Variants in UBXN4 observed in about 807,000 individuals in gnomAD.
The protein encoded by UBXN4 is UBX domain-containing protein 4.
UBXN4 carries 35 observed loss-of-function variants against 66.2 expected under a neutral mutation model. The observed-to-expected ratio is 0.53, with a 90% CI of 0.40 to 0.70. UBXN4 has a LOEUF of 0.70. Ranked by LOEUF, UBXN4 falls within the 30% of genes least tolerant of loss-of-function variation. UBXN4 has a pLI of 0.00. For synonymous variants in UBXN4, 203 were observed against 204.5 expected (o/e 0.99, Z 0.06); for missense variants, 533 against 599.8 (o/e 0.89, Z 1.16).
intron 2 of UBXN4, 84 bp downstream of exon 2, chr2:135,748,453 A>G (rs2077222916): frequency 7.5e-6 from 8 of 1,066,034 alleles, no homozygotes; most frequent in East Asian, 3.1e-5. Flanking sequence ...GGACTAGAAG[A>G]ATGTTGATGT....
intron 6 of UBXN4, among the ~76,000 whole-genome samples, chr2:135,768,763 G>T (rs1178730701): frequency 6.6e-6 from 1 of 150,672 alleles, no homozygotes; most frequent in Non-Finnish European, 1.5e-5. Context: ...GCGTTTCGCC[G>T]TGTTGGCCAG....
chr2:135,755,137 G>A (rs2077271876), intron 4 of UBXN4, among the ~76,000 whole-genome samples: 1 of 152,202 alleles, frequency 6.6e-6, no homozygotes, highest in Non-Finnish European at 1.5e-5. Context: ...TTTGTTGAAA[G>A]AGAAAGTTGC....
chr2:135,771,627 A>G (rs895145584), intron 8 of UBXN4, among the ~76,000 whole-genome samples: 3 of 152,132 alleles, frequency 2.0e-5, no homozygotes, highest in Non-Finnish European at 4.4e-5. Flanking sequence ...CAGTGGCGCA[A>G]TCTTGGCTCA....
At chr2:135,765,904 G>C (rs1000392589) in intron 6 of UBXN4, among the ~76,000 whole-genome samples, 3 of 151,990 alleles carry the variant, frequency 2.0e-5, no homozygotes. Context: ...TGTAATCCCA[G>C]CACTTTGGGA....
chr2:135,764,063 G>T (rs1314049709), intron 6 of UBXN4, among the ~76,000 whole-genome samples: 3 of 152,102 alleles, frequency 2.0e-5, no homozygotes, highest in African/African-American at 7.2e-5. Context: ...TGCAGAGGTT[G>T]CAGTGAGCCA....
Position 135,783,737 on chromosome 2 carries a change from G to A in UBXN4, c.*850G>A, listed in dbSNP as rs1221694205. 1.3e-5 allele frequency: 2 copies of A among 152,084 alleles called. No homozygotes were observed. Among genetic ancestry groups the A allele is most frequent in the Admixed American group, 6.6e-5 (1 of 15,256 alleles). The allele number at this position is 152,084 out of a possible 1,614,324, so 9.4% of individuals were successfully genotyped here. ...CCCTCTCACCTTTAACTGACGTTTT[G>A]TCCTCAATAATTACACAAGGACCTA... On this transcript the variant is annotated 3_prime_UTR_variant, in exon 13 of 13. Coordinates refer to ENST00000272638, the MANE Select transcript of UBXN4 (RefSeq NM_014607.4).
chr2:135,783,810 A>G lies in UBXN4; in HGVS notation c.*923A>G, dbSNP rs2077465149. On this transcript the variant is annotated 3_prime_UTR_variant, in exon 13 of 13. Transcript: ENST00000272638. ...ATAGAATAAAAATATGCCTTTAGTC[A>G]TTTGGTTTTTCTTAAAAAGTTGAGA... is the stretch of plus-strand genomic sequence containing the variant. The G allele has an allele frequency of 6.6e-6, 1 of 152,206 alleles. No homozygotes were observed. The highest frequency in any genetic ancestry group is 6.5e-5 in the Admixed American group (1 of 15,278). 9.4% of individuals were successfully genotyped at this position (152,206 alleles called of 1,614,324 possible).
chr2:135,751,112 C>A (rs112351348), intron 2 of UBXN4, among the ~76,000 whole-genome samples: 34 of 151,394 alleles, frequency 2.2e-4, no homozygotes, highest in African/African-American at 7.8e-4. Flanking sequence ...CTCAGCCTCC[C>A]AAAGTGCTGG....
At chr2:135,781,272 G>A (rs1024820265) in intron 12 of UBXN4, among the ~76,000 whole-genome samples, 1 of 152,142 alleles carries the variant, frequency 6.6e-6, no homozygotes, top group African/African-American at 2.4e-5. Context: ...GCAATGGTTA[G>A]CATAGTAATA....
At chr2:135,776,145 A>T in intron 9 of UBXN4, 104 bp from the exon 10 acceptor site, 1 of 888,608 alleles carries the variant, frequency 1.1e-6, no homozygotes, top group Non-Finnish European at 1.7e-6. Flanking sequence ...GGTAGAAAAA[A>T]CTATTGTCAT....
intron 1 of UBXN4, chr2:135,742,789 T>G (rs766480446): frequency 1.3e-5 from 2 of 152,140 alleles, no homozygotes; most frequent in Non-Finnish European, 2.9e-5. Context: ...TGGTAGGGGA[T>G]CTAGTGTGAA....
intron 5 of UBXN4, among the ~76,000 whole-genome samples, chr2:135,760,262 C>G (rs1210636861): frequency 6.6e-6 from 1 of 151,960 alleles, no homozygotes; most frequent in African/African-American, 2.4e-5. Flanking sequence ...AAAACCCAGT[C>G]TCCATACAAA....
chr2:135,778,179 A>C (rs2077429483), intron 10 of UBXN4, among the ~76,000 whole-genome samples: 1 of 150,552 alleles, frequency 6.6e-6, no homozygotes, highest in African/African-American at 2.4e-5. Flanking sequence ...TGTCTCAAAA[A>C]AAAAAAAAAC....
intron 2 of UBXN4, among the ~76,000 whole-genome samples, chr2:135,749,253 T>C (rs948225304): frequency 1.6e-4 from 24 of 152,176 alleles, no homozygotes; most frequent in Non-Finnish European, 3.2e-4. Flanking sequence ...TGGTAAATCA[T>C]ACATTGAATA....
In UBXN4 at chr2:135,755,651, G is replaced by C. The variant is rs1175945174; in HGVS notation, c.468G>C (p.Glu156Asp). Residue 156 changes from glutamate (E) to aspartate (D), a missense_variant, in exon 5 of 13, where the codon GAG (glutamate) becomes GAC (aspartate). Physicochemically the swap from Glu to Asp is conservative, Grantham distance 45. Coordinates refer to ENST00000272638, the MANE Select transcript of UBXN4 (RefSeq NM_014607.4). ...NSQSRNAELC[E>D]IPPTSDTKSD... ...AGTCCAGAAATGCAGAGCTTTGTGA[G>C]ATACCACCCACTTCTGATACAAAGT... is the stretch of plus-strand genomic sequence containing the variant. The C allele has an allele frequency of 6.3e-7, 1 of 1,593,302 alleles. No individual in the cohort carries two copies. Among genetic ancestry groups the C allele is most frequent in the Non-Finnish European group, 8.5e-7 (1 of 1,169,600 alleles).
intron 6 of UBXN4, among the ~76,000 whole-genome samples, chr2:135,766,304 G>A (rs6430587): frequency 0.97 from 147,998 of 152,296 alleles, 72,029 homozygotes; most frequent in Non-Finnish European, 1. Context: ...CTATAAATAC[G>A]TTTATACACC....
chr2:135,760,207 G>A (rs888033663), intron 5 of UBXN4, among the ~76,000 whole-genome samples: 1 of 152,108 alleles, frequency 6.6e-6, no homozygotes. Context: ...AGGAGGCCAA[G>A]ATCAGTTGAG....
chr2:135,751,321 G>C (rs2077239858), intron 2 of UBXN4, among the ~76,000 whole-genome samples: 1 of 151,508 alleles, frequency 6.6e-6, no homozygotes, highest in Non-Finnish European at 1.5e-5. Flanking sequence ...CAAGTAGCTG[G>C]GACTATAGGC....
rs181768347 is a variant in UBXN4, at chr2:135,776,012, G to A, written c.951-237G>A. On this transcript the variant is annotated intron_variant, in intron 9 of 12. Transcript: ENST00000272638. ...TTGAACTCCTGACCTCAGGTGATCC[G>A]CCCGCCTTGGCCTCCCAAAGTGCTG... Among the ~76,000 whole-genome samples the A allele has an allele frequency of 2.4e-3, 370 of 152,198 alleles. 3 individuals carry two copies. Among genetic ancestry groups the A allele is most frequent in the African/African-American group, 8.4e-3 (347 of 41,522 alleles).
Sources: allele counts gnomAD v4.1 joint callset (sites outside exome capture counted in the v4.1 genomes callset), GRCh38; gene constraint gnomAD v4.1.1; transcripts MANE v1.5; gene names NCBI Gene and HGNC (gene_info 2026-07-23, HGNC 2026-07-21).